Variants in ASIC2 observed in about 807,000 individuals in gnomAD.
ASIC2 encodes the protein acid-sensing ion channel 2.
ASIC2 carries 25 observed loss-of-function variants against 57.3 expected under a neutral mutation model. The ratio of observed to expected loss-of-function variants is 0.44; its 90% CI spans 0.32 to 0.61. The LOEUF is 0.61. Ranked by LOEUF, ASIC2 falls within the 20% of genes least tolerant of loss-of-function variation. ASIC2 has a pLI of 0.06. For synonymous variants in ASIC2, 319 were observed against 307.5 expected (o/e 1.04, Z -0.39); for missense variants, 641 against 738.1 (o/e 0.87, Z 1.52).
At chr17:33,198,550 C>T (rs1046778298) in intron 1 of ASIC2, among the ~76,000 whole-genome samples, 2 of 152,220 alleles carry the variant, frequency 1.3e-5, no homozygotes, top group Non-Finnish European at 2.9e-5. Flanking sequence ...CCTGTCCTGC[C>T]ACCCTGCACA....
intron 1 of ASIC2, among the ~76,000 whole-genome samples, chr17:33,605,324 A>G (rs955517959): frequency 1.3e-5 from 2 of 152,242 alleles, no homozygotes; most frequent in Non-Finnish European, 1.5e-5. Flanking sequence ...CTCCCTGAGT[A>G]GCTCCTGTGC....
intron 1 of ASIC2, among the ~76,000 whole-genome samples, chr17:33,690,772 C>G (rs1377129753): frequency 9.8e-6 from 1 of 102,532 alleles, no homozygotes; most frequent in African/African-American, 4.0e-5. Flanking sequence ...TTTTTTGAGA[C>G]GGAGTCTTGC....
chr17:33,923,425 G>C (rs1286534117), intron 1 of ASIC2, among the ~76,000 whole-genome samples: 4 of 152,178 alleles, frequency 2.6e-5, no homozygotes, highest in Non-Finnish European at 5.9e-5. Flanking sequence ...TCATTTTACA[G>C]ATGGAAATAA....
chr17:33,103,608 G>A (rs2092223449), intron 2 of ASIC2, among the ~76,000 whole-genome samples: 1 of 152,052 alleles, frequency 6.6e-6, no homozygotes, highest in Non-Finnish European at 1.5e-5. Flanking sequence ...CTTCATTCTA[G>A]GGTGACCTAA....
intron 1 of ASIC2, among the ~76,000 whole-genome samples, chr17:34,132,646 A>G (rs569756956): frequency 1.8e-3 from 273 of 148,194 alleles, no homozygotes; most frequent in Non-Finnish European, 3.4e-3. Context: ...TGATTGGTGC[A>G]TTTTACAATC....
chr17:33,331,858 C>G (rs1157170091), intron 1 of ASIC2, among the ~76,000 whole-genome samples: 1 of 152,142 alleles, frequency 6.6e-6, no homozygotes, highest in African/African-American at 2.4e-5. Flanking sequence ...AGCAATAGAG[C>G]CAGGGTCCAA....
intron 1 of ASIC2, among the ~76,000 whole-genome samples, chr17:33,543,626 C>T (rs114506444): frequency 0.016 from 2,421 of 152,296 alleles, 37 homozygotes; most frequent in Middle Eastern, 0.048. Context: ...TGCTAGCATG[C>T]GAGCTACCAT....
chr17:33,118,959 G>A (rs2092291170), intron 1 of ASIC2, among the ~76,000 whole-genome samples: 1 of 152,126 alleles, frequency 6.6e-6, no homozygotes, highest in East Asian at 1.9e-4. Flanking sequence ...CAGAGTTTGG[G>A]AAATGCAAAG....
intron 1 of ASIC2, among the ~76,000 whole-genome samples, chr17:33,368,177 T>C (rs1036561215): frequency 2.0e-5 from 3 of 152,350 alleles, no homozygotes; most frequent in Middle Eastern, 3.4e-3. Context: ...GGAAGGGTAC[T>C]GTATGACTTC....
rs372445530 is a variant in ASIC2, at chr17:34,041,630, A to G, written c.555+114348T>C. ...GAGAAGTAAATACTATAACAAATGTAGAAATACATAGCACACACTAACCCT... is the reference window on the plus strand; with the variant it reads ...GAGAAGTAAATACTATAACAAATGTGGAAATACATAGCACACACTAACCCT... On this transcript the variant is annotated intron_variant, in intron 1 of 9. Coordinates refer to the ASIC2 transcript ENST00000359872. 1.4e-3 allele frequency among the ~76,000 whole-genome samples: 217 copies of G among 152,366 alleles called. 1 individual carries two copies. The highest frequency in any genetic ancestry group is 5.0e-3 in the African/African-American group (208 of 41,590).
intron 1 of ASIC2, among the ~76,000 whole-genome samples, chr17:33,461,792 A>G (rs900388977): frequency 6.6e-6 from 1 of 152,202 alleles, no homozygotes; most frequent in Non-Finnish European, 1.5e-5. Flanking sequence ...TGTTTGAATA[A>G]GCACACACAC....
At chr17:33,715,665 C>T (rs774259226) in intron 1 of ASIC2, among the ~76,000 whole-genome samples, 24 of 152,236 alleles carry the variant, frequency 1.6e-4, no homozygotes, top group Non-Finnish European at 2.2e-4. Flanking sequence ...GAAGGCTGTC[C>T]GAATCTCAGT....
At chr17:33,363,155 G>A (rs1597699795) in intron 1 of ASIC2, among the ~76,000 whole-genome samples, 1 of 152,106 alleles carries the variant, frequency 6.6e-6, no homozygotes, top group African/African-American at 2.4e-5. Flanking sequence ...AAGAAAAGAG[G>A]TCACTAGTAA....
At chr17:33,165,310 G>A (rs184500367) in intron 1 of ASIC2, among the ~76,000 whole-genome samples, 21 of 152,158 alleles carry the variant, frequency 1.4e-4, no homozygotes, top group Non-Finnish European at 2.5e-4. Context: ...GAGATTTGCA[G>A]AATATTGAAC....
At chr17:33,349,919 G>GA (rs36016777) in intron 1 of ASIC2, among the ~76,000 whole-genome samples, 33,100 of 150,674 alleles carry the variant, frequency 0.22, 4,193 homozygotes, top group East Asian at 0.49. Context: ...AACAATTTAT[G>GA]AAAAAAAAAG....
chr17:33,106,347 A>C (rs994554575), intron 2 of ASIC2, among the ~76,000 whole-genome samples: 2 of 152,206 alleles, frequency 1.3e-5, no homozygotes, highest in African/African-American at 4.8e-5. Context: ...ACACTAATTA[A>C]CACTAGGATT....
At chr17:33,999,113 G>T (rs1422612751) in intron 1 of ASIC2, among the ~76,000 whole-genome samples, 3 of 152,012 alleles carry the variant, frequency 2.0e-5, no homozygotes, top group Non-Finnish European at 2.9e-5. Context: ...AGTATGTAAT[G>T]ACCTTCTTCA....
At chr17:33,238,977 C>A (rs1338843341) in intron 1 of ASIC2, among the ~76,000 whole-genome samples, 1 of 151,876 alleles carries the variant, frequency 6.6e-6, no homozygotes, top group Non-Finnish European at 1.5e-5. Context: ...GTACTCCAGC[C>A]TGAATGACAG....
intron 1 of ASIC2, among the ~76,000 whole-genome samples, chr17:33,681,351 G>T (rs1294107002): frequency 6.6e-6 from 1 of 152,078 alleles, no homozygotes; most frequent in African/African-American, 2.4e-5. Context: ...CAGCATCCCT[G>T]GCCTCTACTC....
Sources: gnomAD v4.1 joint callset for allele counts (sites outside exome capture counted in the v4.1 genomes callset) on GRCh38, gnomAD v4.1.1 for gene constraint, MANE v1.5 for transcripts, NCBI Gene and HGNC (gene_info 2026-07-23, HGNC 2026-07-21) for gene names.